Variants in FANCB observed in about 807,000 individuals in gnomAD.
FANCB encodes Fanconi anemia group B protein.
A neutral mutation model predicts 38.9 loss-of-function variants in FANCB; 5 were observed. That is an observed-to-expected ratio of 0.13 (90% CI 0.07 to 0.27). The LOEUF is 0.27. Ranked by LOEUF, FANCB falls within the 10% of genes least tolerant of loss-of-function variation. The probability of loss-of-function intolerance (pLI) is 1.00; values close to 1 mark genes in which losing one functional copy is unlikely to be tolerated. For synonymous variants in FANCB, 236 were observed against 215.4 expected (o/e 1.10, Z -0.84); for missense variants, 573 against 602.7 (o/e 0.95, Z 0.52).
chrX:14,867,176 T>C (rs2092473126), intron 2 of FANCB, among the ~76,000 whole-genome samples: 1 of 111,385 alleles, frequency 9.0e-6, no homozygotes, highest in South Asian at 3.7e-4. Context: ...TCTATAGACT[T>C]AGTGCAATGT....
intron 3 of FANCB, among the ~76,000 whole-genome samples, chrX:14,860,801 C>T (rs142858853): frequency 0.014 from 1,579 of 111,618 alleles, 25 homozygotes; most frequent in African/African-American, 0.042. Context: ...CAGCACAGCA[C>T]CAGAATACAT....
At chrX:14,735,160 T>G in the FANCB span, among the ~76,000 whole-genome samples, 1 of 109,874 alleles carries the variant, frequency 9.1e-6, no homozygotes, top group Non-Finnish European at 1.9e-5. Flanking sequence ...TTAGCTTCCT[T>G]GCATTGGGTT....
At chrX:14,720,270 C>T in the FANCB span, among the ~76,000 whole-genome samples, 2 of 111,513 alleles carry the variant, frequency 1.8e-5, no homozygotes, top group African/African-American at 6.5e-5. Flanking sequence ...ACATTGTACA[C>T]GTGTATTGAA....
At chrX:14,704,682 C>T in the FANCB span, among the ~76,000 whole-genome samples, 1 of 111,706 alleles carries the variant, frequency 9.0e-6, no homozygotes, top group Non-Finnish European at 1.9e-5. Context: ...TGGCTCTGTG[C>T]AGGAGTGGGT....
the FANCB span, among the ~76,000 whole-genome samples, chrX:14,786,245 C>T: frequency 9.0e-6 from 1 of 111,664 alleles, no homozygotes; most frequent in South Asian, 3.8e-4. Flanking sequence ...CTGCTGAGAG[C>T]TGTCAGCCAG....
Position 14,850,570 on chromosome X carries a change from C to T in FANCB, c.1431G>A (p.Lys477=). 1 of 1,194,121 alleles carries T rather than the reference C, an allele frequency of 8.4e-7. No individual in the cohort carries two copies. Among genetic ancestry groups the T allele is most frequent in the Non-Finnish European group, 1.1e-6 (1 of 879,739 alleles). ...TATCATCTATTACACGATACCATAT[C>T]TTCTCTACTAGCTGTTCTGAATCTT... ...NFQDSEQLVE[K]IWYRVIDDSL... Residue 477 remains lysine (K), a synonymous_variant, in exon 7 of 10, where the codon AAG becomes AAA. Coordinates refer to ENST00000650831, the MANE Select transcript of FANCB (RefSeq NM_001018113.3).
At chrX:14,770,536 C>G in the FANCB span, among the ~76,000 whole-genome samples, 1 of 111,602 alleles carries the variant, frequency 9.0e-6, no homozygotes, top group Non-Finnish European at 1.9e-5. Context: ...TGTCTTTGCA[C>G]GAGATGGGTC....
At chrX:14,741,853 AT>A in the FANCB span, among the ~76,000 whole-genome samples, 1 of 111,675 alleles carries the variant, frequency 9.0e-6, no homozygotes, top group Non-Finnish European at 1.9e-5. Flanking sequence ...CCTGGGTTAG[AT>A]TTTTTTAAAA....
the FANCB span, among the ~76,000 whole-genome samples, chrX:14,814,686 A>C: frequency 3.6e-5 from 4 of 112,225 alleles, no homozygotes; most frequent in Admixed American, 3.8e-4. Context: ...GCTGGAGAGG[A>C]TGTGGAGAAA....
the FANCB span, among the ~76,000 whole-genome samples, chrX:14,775,961 A>G: frequency 9.0e-6 from 1 of 111,572 alleles, no homozygotes; most frequent in Admixed American, 9.5e-5. Flanking sequence ...CAAGTCCTCA[A>G]GAAAGAACAG....
At chrX:14,850,357 A>G (rs757436706) in intron 7 of FANCB, 148 bp downstream of exon 7, 84 of 530,490 alleles carry the variant, frequency 1.6e-4, no homozygotes, top group Non-Finnish European at 2.5e-4. Context: ...CTCAAAAAAA[A>G]CAGTAATAAT....
the FANCB span, among the ~76,000 whole-genome samples, chrX:14,715,211 G>A: frequency 9.0e-6 from 1 of 111,629 alleles, no homozygotes; most frequent in Non-Finnish European, 1.9e-5. Flanking sequence ...CTTAATACTT[G>A]GCCAAAAAAA....
In FANCB at chrX:14,844,859, T is replaced by C. The variant is rs370765798; in HGVS notation, c.1924A>G (p.Ile642Val). The change falls in exon 8 of 10, where the codon ATA becomes GTA. Residue 642 changes from isoleucine to valine, a missense_variant. Physicochemically the swap from Ile to Val is conservative, Grantham distance 29 (BLOSUM62 3). Coordinates refer to ENST00000650831, the MANE Select transcript of FANCB (RefSeq NM_001018113.3). Reference sequence around the variant, plus strand: ...CTAAAAGTGCCAACAAAATTACCTATAGGTTTCTTCTTTGGAAATGTCAGT... The same window carrying C: ...CTAAAAGTGCCAACAAAATTACCTACAGGTTTCTTCTTTGGAAATGTCAGT... ...YLLTFPKKKPIEHMEDLFALL... is the reference protein window; with the variant it reads ...YLLTFPKKKPVEHMEDLFALL... 13 of 1,201,036 alleles carry C rather than the reference T, an allele frequency of 1.1e-5. No individual in the cohort carries two copies. Among genetic ancestry groups the C allele is most frequent in the Non-Finnish European group, 1.3e-5 (12 of 889,558 alleles).
chrX:14,835,818 TTGG>T (rs2092339770), downstream of FANCB: 1 of 112,831 alleles, frequency 8.9e-6, no homozygotes, highest in Non-Finnish European at 1.9e-5. Context: ...TTGTACACTG[TTGG>T]TGGGAATGTA....
At position 14,864,466 on chromosome X, in the gene FANCB, G is replaced by C. The variant is rs2092460095; in HGVS notation, c.951+94C>G. ...ATGTACAGAACTGAAAATTGACTTA[G>C]ACAATAAGACTCCAGAATGAACTCT... On this transcript the variant is annotated intron_variant, in intron 3 of 9. Transcript: ENST00000650831. 9 of 592,649 alleles carry C rather than the reference G, an allele frequency of 1.5e-5. No homozygotes were observed. The Admixed American group carries it at 1.9e-4, about 13-fold the overall frequency. 48.8% of individuals were successfully genotyped at this position (592,649 alleles called of 1,213,427 possible). A position where few individuals can be genotyped will look rare whatever the true frequency, so the allele number is the denominator to read the frequency against.
the FANCB span, among the ~76,000 whole-genome samples, chrX:14,766,671 C>A: frequency 2.2e-4 from 23 of 106,909 alleles, no homozygotes; most frequent in Non-Finnish European, 4.1e-4. Context: ...CTTTCTTTTT[C>A]TTTTTTTTTT....
intron 2 of FANCB, among the ~76,000 whole-genome samples, chrX:14,866,548 T>C (rs185928269): frequency 1.8e-5 from 2 of 111,857 alleles, no homozygotes; most frequent in East Asian, 5.6e-4. Context: ...TCTACACTTT[T>C]AACTACCACT....
intron 3 of FANCB, among the ~76,000 whole-genome samples, chrX:14,862,587 T>C (rs138596823): frequency 2.2e-3 from 241 of 111,909 alleles, no homozygotes; most frequent in African/African-American, 7.5e-3. Context: ...TTTTTCCTTA[T>C]CTAGGTGAAT....
the FANCB span, among the ~76,000 whole-genome samples, chrX:14,781,380 G>C: frequency 1.9e-5 from 2 of 107,048 alleles, no homozygotes; most frequent in South Asian, 8.0e-4. Context: ...GTTGCAGTGA[G>C]CCGAGATCAC....
Sources: gnomAD v4.1 joint callset for allele counts (sites outside exome capture counted in the v4.1 genomes callset) on GRCh38, gnomAD v4.1.1 for gene constraint, MANE v1.5 for transcripts, NCBI Gene and HGNC (gene_info 2026-07-23, HGNC 2026-07-21) for gene names.